The following LOC128462377 variants were observed in gnomAD, a reference collection of about 807,000 sequenced individuals.
At chr16:89,414,002 C>A in the LOC128462377 span, among the ~76,000 whole-genome samples, 1 of 152,138 alleles carries the variant, frequency 6.6e-6, no homozygotes, top group African/African-American at 2.4e-5. Context: ...GCTGAGCTGA[C>A]TTCCAGCCCA....
At chr16:89,407,503 G>C in the LOC128462377 span, among the ~76,000 whole-genome samples, 2 of 152,210 alleles carry the variant, frequency 1.3e-5, no homozygotes, top group African/African-American at 4.8e-5. Flanking sequence ...GCTGTTGCAC[G>C]ACAGCCGCAC....
the LOC128462377 span, among the ~76,000 whole-genome samples, chr16:89,338,424 TAAA>T: frequency 2.0e-4 from 26 of 126,978 alleles, no homozygotes; most frequent in East Asian, 2.2e-4. Context: ...TACACTCTGT[TAAA>T]AAAAAAAAAA....
chr16:89,366,091 C>T, the LOC128462377 span, among the ~76,000 whole-genome samples: 17 of 143,448 alleles, frequency 1.2e-4, no homozygotes, highest in African/African-American at 4.5e-4. Context: ...AATGGCGCCA[C>T]TGCACTCTAG....
chr16:89,361,098 G>A, the LOC128462377 span, among the ~76,000 whole-genome samples: 1 of 152,154 alleles, frequency 6.6e-6, no homozygotes, highest in Non-Finnish European at 1.5e-5. Context: ...TACTCTCATT[G>A]TGGAAACCTG....
At chr16:89,341,770 A>G in the LOC128462377 span, among the ~76,000 whole-genome samples, 1 of 152,294 alleles carries the variant, frequency 6.6e-6, no homozygotes, top group East Asian at 1.9e-4. Flanking sequence ...AACGTGCACA[A>G]ACAAAAAGTG....
At chr16:89,375,994 G>A in the LOC128462377 span, among the ~76,000 whole-genome samples, 53 of 152,198 alleles carry the variant, frequency 3.5e-4, no homozygotes, top group African/African-American at 1.2e-3. Context: ...TTTCAAAATC[G>A]ATAAATCCAG....
the LOC128462377 span, among the ~76,000 whole-genome samples, chr16:89,413,861 T>C: frequency 6.6e-3 from 1,004 of 152,152 alleles, 17 homozygotes; most frequent in African/African-American, 0.023. Context: ...TCTCTCTGCT[T>C]TCAAGGCCAG....
the LOC128462377 span, chr16:89,317,114 G>A: frequency 7.2e-7 from 1 of 1,385,708 alleles, no homozygotes; most frequent in Non-Finnish European, 9.9e-7. Context: ...ACTGAATTCA[G>A]AGGCAGCTCA....
chr16:89,368,352 G>A, the LOC128462377 span, among the ~76,000 whole-genome samples: 8 of 145,192 alleles, frequency 5.5e-5, no homozygotes, highest in African/African-American at 1.8e-4. Flanking sequence ...GCCTGCTGCC[G>A]TGCCTGGCTA....
At chr16:89,365,342 C>G in the LOC128462377 span, among the ~76,000 whole-genome samples, 1 of 152,188 alleles carries the variant, frequency 6.6e-6, no homozygotes, top group African/African-American at 2.4e-5. Flanking sequence ...GAGCTCTCAC[C>G]TTAAAGAGCA....
the LOC128462377 span, among the ~76,000 whole-genome samples, chr16:89,387,730 C>T: frequency 1.4e-5 from 2 of 147,086 alleles, no homozygotes; most frequent in East Asian, 2.0e-4. Flanking sequence ...TGGCCGGGCA[C>T]GGTAGCTTGC....
At chr16:89,327,191 C>G in the LOC128462377 span, among the ~76,000 whole-genome samples, 1 of 152,148 alleles carries the variant, frequency 6.6e-6, no homozygotes, top group Non-Finnish European at 1.5e-5. Context: ...TCAACGTCAC[C>G]CAGCATGCCA....
At chr16:89,398,324 AG>A in the LOC128462377 span, among the ~76,000 whole-genome samples, 1 of 136,548 alleles carries the variant, frequency 7.3e-6, no homozygotes, top group Non-Finnish European at 1.6e-5. Context: ...ACTGTGAAAC[AG>A]CTGAAGACTA....
the LOC128462377 span, among the ~76,000 whole-genome samples, chr16:89,359,575 G>A: frequency 6.6e-6 from 1 of 152,206 alleles, no homozygotes; most frequent in Admixed American, 6.5e-5. Context: ...CCCACACTCT[G>A]AGCCTTGGCT....
At chr16:89,405,822 T>G in the LOC128462377 span, among the ~76,000 whole-genome samples, 1 of 152,108 alleles carries the variant, frequency 6.6e-6, no homozygotes, top group Non-Finnish European at 1.5e-5. Flanking sequence ...AAGGATGCAC[T>G]GCAGTCAATC....
the LOC128462377 span, chr16:89,340,064 T>C: frequency 2.6e-5 from 4 of 152,206 alleles, no homozygotes; most frequent in Non-Finnish European, 4.4e-5. Flanking sequence ...TTGACTAACA[T>C]TTGTTTTTTC....
At chr16:89,411,296 C>G in the LOC128462377 span, among the ~76,000 whole-genome samples, 2 of 144,944 alleles carry the variant, frequency 1.4e-5, no homozygotes, top group African/African-American at 5.4e-5. Flanking sequence ...GTGCCAGCAG[C>G]CAGCACTGCC....
chr16:89,323,365 C>T, the LOC128462377 span: 6 of 1,286,282 alleles, frequency 4.7e-6, no homozygotes, highest in South Asian at 3.7e-5. Flanking sequence ...GGCCTCTCAC[C>T]TCTCACCATC....
chr16:89,413,818 C>T, the LOC128462377 span, among the ~76,000 whole-genome samples: 2 of 152,116 alleles, frequency 1.3e-5, no homozygotes, highest in East Asian at 3.9e-4. Context: ...CCACAACGCC[C>T]TAGGATGCAG....
Sources: gnomAD v4.1 joint callset for allele counts (sites outside exome capture counted in the v4.1 genomes callset) on GRCh38, gnomAD v4.1.1 for gene constraint, MANE v1.5 for transcripts.